Variants in NUDT3 observed in about 807,000 individuals in gnomAD.
NUDT3 encodes nudix hydrolase 3.
A neutral mutation model predicts 23.6 loss-of-function variants in NUDT3; 9 were observed. The observed-to-expected ratio is 0.38, with a 90% CI of 0.23 to 0.66. The LOEUF (loss-of-function observed/expected upper bound fraction) is 0.66, where lower values mean the gene tolerates loss of function less well. Among genes scored for constraint, NUDT3 ranks in the 30% least tolerant of loss-of-function variants. The pLI, the probability that NUDT3 is intolerant of heterozygous loss-of-function variation, is 0.52. For missense variants in NUDT3, 172 were observed against 218.5 expected, an observed-to-expected ratio of 0.79 and a Z score of 1.34; for synonymous variants, 86 against 82.6, an observed-to-expected ratio of 1.04 and a Z score of -0.22.
rs766810081 is a variant in NUDT3, at chr6:34,293,476, T to C, written c.315A>G (p.Glu105=). 3.7e-6 allele frequency: 6 copies of C among 1,614,184 alleles called. No individual in the cohort carries two copies. Among genetic ancestry groups the C allele is most frequent in the Non-Finnish European group, 5.1e-6 (6 of 1,180,020 alleles). ...VYVLIVTEVL[E]DWEDSVNIGR... Reference sequence around the variant, plus strand: ...CAATGTTAACTGAATCTTCCCAGTCTTCCAGCACTTCAGTGACAATGAGCA... The same window carrying C: ...CAATGTTAACTGAATCTTCCCAGTCCTCCAGCACTTCAGTGACAATGAGCA... Residue 105 remains glutamate, a synonymous_variant, in exon 4 of 5, where the codon GAA becomes GAG. Transcript: ENST00000607016.
At chr6:34,306,825 G>A (rs559411741) in intron 2 of NUDT3, among the ~76,000 whole-genome samples, 196 of 152,266 alleles carry the variant, frequency 1.3e-3, no homozygotes, top group African/African-American at 4.4e-3. Flanking sequence ...GTTAAAAAGT[G>A]GTTAAAAAGT....
intron 1 of NUDT3, among the ~76,000 whole-genome samples, chr6:34,346,763 T>G (rs760779331): frequency 2.6e-5 from 4 of 152,038 alleles, no homozygotes; most frequent in Non-Finnish European, 5.9e-5. Context: ...TTTCTGTTTC[T>G]GCTTTTTGTA....
rs1221391935 is a variant in NUDT3 at position 34,368,588 on chromosome 6, C to T, written c.99+23676G>A. On this transcript the variant is annotated intron_variant, in intron 1 of 4. Transcript: ENST00000607016. Reference sequence around the variant, plus strand: ...ACAGCAATTTTCAACTGGTGGCTCACAACCTCCCAGGTTTAAGCATCAACG... The same window carrying T: ...ACAGCAATTTTCAACTGGTGGCTCATAACCTCCCAGGTTTAAGCATCAACG... 2.0e-5 allele frequency among the ~76,000 whole-genome samples: 3 copies of T among 152,218 alleles called. No individual in the cohort carries two copies. The East Asian group carries it at 5.8e-4, about 29-fold the overall frequency.
At chr6:34,309,677 T>C (rs1316109390) in intron 2 of NUDT3, among the ~76,000 whole-genome samples, 1 of 151,654 alleles carries the variant, frequency 6.6e-6, no homozygotes, top group Non-Finnish European at 1.5e-5. Context: ...TAAAATCATA[T>C]AAAAATTGAT....
chr6:34,385,321 C>T (rs574957597), intron 1 of NUDT3, among the ~76,000 whole-genome samples: 4 of 152,116 alleles, frequency 2.6e-5, no homozygotes, highest in Non-Finnish European at 5.9e-5. Flanking sequence ...GGCACAGTGG[C>T]TCATGCCTAT....
chr6:34,301,451 T>A (rs1344557891), intron 2 of NUDT3, among the ~76,000 whole-genome samples: 1 of 152,212 alleles, frequency 6.6e-6, no homozygotes, highest in Non-Finnish European at 1.5e-5. Flanking sequence ...GTTTACCAGG[T>A]CCAAGCCTAG....
chr6:34,297,984 C>A (rs1241166038), intron 2 of NUDT3, among the ~76,000 whole-genome samples: 1 of 151,330 alleles, frequency 6.6e-6, no homozygotes, highest in Admixed American at 6.6e-5. Flanking sequence ...ATATTTTTTT[C>A]TTAAACTAGA....
At chr6:34,337,740 CTCT>C in intron 2 of NUDT3, among the ~76,000 whole-genome samples, 1 of 152,352 alleles carries the variant, frequency 6.6e-6, no homozygotes, top group East Asian at 1.9e-4. Flanking sequence ...TCCAAATGTG[CTCT>C]ACAAAAGTAG....
intron 2 of NUDT3, among the ~76,000 whole-genome samples, chr6:34,304,796 G>GA (rs1308669486): frequency 6.6e-6 from 1 of 150,992 alleles, no homozygotes; most frequent in African/African-American, 2.4e-5. Context: ...GAGTAGCTGG[G>GA]ACAACAGGGT....
At chr6:34,348,403 G>A (rs1764413673) in intron 1 of NUDT3, among the ~76,000 whole-genome samples, 1 of 151,958 alleles carries the variant, frequency 6.6e-6, no homozygotes, top group African/African-American at 2.4e-5. Flanking sequence ...GATTGCTTGA[G>A]CCCAGGAGGT....
rs1303096908 is a variant in NUDT3 at position 34,284,233 on chromosome 6, A to G, written c.*4520T>C. 6.6e-6 allele frequency: 1 copy of G among 152,114 alleles called. No individual in the cohort carries two copies. Among genetic ancestry groups the G allele is most frequent in the Non-Finnish European group, 1.5e-5 (1 of 68,044 alleles). The allele number at this position is 152,114 out of a possible 1,614,324, so 9.4% of individuals were successfully genotyped here. ...CCATTCAATAATCTCCTCCCTCCCC[A>G]TAGCTGCTTGAGTTAACTGTCCCAC... On this transcript the variant is annotated 3_prime_UTR_variant, in exon 5 of 5. Transcript: ENST00000607016.
intron 1 of NUDT3, among the ~76,000 whole-genome samples, chr6:34,348,314 G>C (rs532670818): frequency 1.7e-3 from 209 of 123,500 alleles, no homozygotes; most frequent in Non-Finnish European, 3.2e-3. Context: ...AACAGAAACC[G>C]CCCCCCACCA....
chr6:34,297,088 C>T (rs1377165355), intron 2 of NUDT3, among the ~76,000 whole-genome samples: 3 of 151,790 alleles, frequency 2.0e-5, no homozygotes, highest in African/African-American at 4.8e-5. Context: ...CCCGCCACCA[C>T]GCCCGGCTAA....
At chr6:34,389,323 T>TG (rs1297924366) in intron 1 of NUDT3, among the ~76,000 whole-genome samples, 1 of 152,232 alleles carries the variant, frequency 6.6e-6, no homozygotes, top group East Asian at 1.9e-4. Flanking sequence ...CCTGCTGCCT[T>TG]GTGAAGAAGG....
intron 1 of NUDT3, among the ~76,000 whole-genome samples, chr6:34,381,795 C>T (rs1765021994): frequency 6.6e-6 from 1 of 152,000 alleles, no homozygotes; most frequent in South Asian, 2.1e-4. Context: ...AAATAATCGG[C>T]TGGGCACGGT....
chr6:34,324,227 C>T (rs556362889), intron 2 of NUDT3, among the ~76,000 whole-genome samples: 5 of 152,190 alleles, frequency 3.3e-5, no homozygotes, highest in South Asian at 2.1e-4. Flanking sequence ...GTGGCACACA[C>T]CTCTAATCCC....
chr6:34,337,524 G>A (rs554299002), intron 2 of NUDT3, among the ~76,000 whole-genome samples: 2 of 152,114 alleles, frequency 1.3e-5, no homozygotes, highest in Non-Finnish European at 2.9e-5. Flanking sequence ...TTTACCTATA[G>A]AAGGATAGTA....
chr6:34,303,911 A>G (rs1344654239), intron 2 of NUDT3, among the ~76,000 whole-genome samples: 5 of 152,192 alleles, frequency 3.3e-5, no homozygotes, highest in Non-Finnish European at 5.9e-5. Flanking sequence ...AACAGATACC[A>G]TATGAATTCT....
At chr6:34,351,689 C>T (rs1025452881) in intron 1 of NUDT3, among the ~76,000 whole-genome samples, 1 of 137,742 alleles carries the variant, frequency 7.3e-6, no homozygotes. Context: ...TGCAGTGAGC[C>T]GAGATCGCAC....
Sources: gnomAD v4.1 joint callset for allele counts (sites outside exome capture counted in the v4.1 genomes callset) on GRCh38, gnomAD v4.1.1 for gene constraint, MANE v1.5 for transcripts, NCBI Gene and HGNC (gene_info 2026-07-23, HGNC 2026-07-21) for gene names.